SLAMF7: variants seen among roughly 807,000 people sequenced by gnomAD.
The protein encoded by SLAMF7 is SLAM family member 7.
SLAMF7 carries 26 observed loss-of-function variants against 34.1 expected under a neutral mutation model. The ratio of observed to expected loss-of-function variants is 0.76; its 90% confidence interval spans 0.56 to 1.06. SLAMF7 has a LOEUF of 1.06. Ranked by LOEUF, SLAMF7 falls within the 50% of genes least tolerant of loss-of-function variation. The pLI, the probability that SLAMF7 is intolerant of heterozygous loss-of-function variation, is 0.00. For missense variants in SLAMF7, 399 were observed against 402.5 expected (o/e 0.99, Z 0.07); for synonymous variants, 171 against 156.4 (o/e 1.09, Z -0.70).
chr1:160,742,836 G>A (rs577723676), intron 1 of SLAMF7, among the ~76,000 whole-genome samples: 1 of 152,306 alleles, frequency 6.6e-6, no homozygotes, highest in African/African-American at 2.4e-5. Flanking sequence ...GCAGGGCTTA[G>A]GCTGTATCTC....
chr1:160,741,290 G>A (rs1663723657), intron 1 of SLAMF7, among the ~76,000 whole-genome samples: 1 of 152,176 alleles, frequency 6.6e-6, no homozygotes, highest in Non-Finnish European at 1.5e-5. Flanking sequence ...AGTGGGTGAG[G>A]GGAATTGGGA....
At chr1:160,742,837 G>A (rs1325333139) in intron 1 of SLAMF7, among the ~76,000 whole-genome samples, 2 of 152,186 alleles carry the variant, frequency 1.3e-5, no homozygotes, top group Non-Finnish European at 2.9e-5. Context: ...CAGGGCTTAG[G>A]CTGTATCTCA....
intron 1 of SLAMF7, among the ~76,000 whole-genome samples, chr1:160,741,993 T>C (rs1663785053): frequency 6.6e-6 from 1 of 152,102 alleles, no homozygotes; most frequent in African/African-American, 2.4e-5. Context: ...AGGCACCAAG[T>C]GTTCAGAGAA....
At chr1:160,751,278 T>C (rs1386940587) in intron 4 of SLAMF7, 67 bp from the exon 5 acceptor site, 20 of 1,176,112 alleles carry the variant, frequency 1.7e-5, no homozygotes, top group Non-Finnish European at 2.6e-5. Flanking sequence ...CCAGGAGAAA[T>C]GGTGGGCCAG....
chr1:160,749,501 A>G (rs1664387456), intron 2 of SLAMF7, among the ~76,000 whole-genome samples: 1 of 152,230 alleles, frequency 6.6e-6, no homozygotes, highest in Admixed American at 6.5e-5. Flanking sequence ...TCTAGAACAG[A>G]TAATATTAGC....
At chr1:160,752,340 C>T (rs1664703178) in intron 6 of SLAMF7, 92 bp downstream of exon 6, 3 of 975,172 alleles carry the variant, frequency 3.1e-6, no homozygotes, top group Non-Finnish European at 4.8e-6. Context: ...CCAGGTATCT[C>T]ATACTCTCTA....
chr1:160,749,728 C>G, intron 2 of SLAMF7, 93 bp from the exon 3 acceptor site: 1 of 1,143,398 alleles, frequency 8.7e-7, no homozygotes, highest in Non-Finnish European at 1.2e-6. Context: ...CTGGAGCTCC[C>G]AGGGAGATTC....
chr1:160,750,272 C>A, intron 3 of SLAMF7, 32 bp from the exon 4 acceptor site: 2 of 1,609,348 alleles, frequency 1.2e-6, no homozygotes, highest in South Asian at 1.1e-5. Context: ...TGACTTTTCT[C>A]CCTTCCCTGT....
intron 1 of SLAMF7, among the ~76,000 whole-genome samples, chr1:160,744,572 C>T (rs1170902682): frequency 6.6e-6 from 1 of 152,194 alleles, no homozygotes; most frequent in Non-Finnish European, 1.5e-5. Flanking sequence ...CCTGAGAATA[C>T]AGCACTACGT....
chr1:160,750,572 C>A, intron 4 of SLAMF7, 149 bp downstream of exon 4: 1 of 912,948 alleles, frequency 1.1e-6, no homozygotes, highest in Non-Finnish European at 1.7e-6. Context: ...CCTCAAGAAG[C>A]ATACAGTCAG....
At chr1:160,749,034 A>C (rs1340850321) in intron 2 of SLAMF7, among the ~76,000 whole-genome samples, 4 of 152,196 alleles carry the variant, frequency 2.6e-5, no homozygotes, top group Non-Finnish European at 4.4e-5. Context: ...CAGGGAAGTT[A>C]AAATTATGAA....
chr1:160,750,246 G>T, intron 3 of SLAMF7, 58 bp from the exon 4 acceptor site: 1 of 1,598,058 alleles, frequency 6.3e-7, no homozygotes, highest in East Asian at 2.2e-5. Context: ...CCAAGACCTG[G>T]GTCGTTTTCC....
chr1:160,747,079 T>C (rs1664190581), intron 1 of SLAMF7, among the ~76,000 whole-genome samples: 1 of 152,334 alleles, frequency 6.6e-6, no homozygotes, highest in South Asian at 2.1e-4. Flanking sequence ...TTGTATTGAC[T>C]GTAGGGTCAC....
rs1664284933 is a variant in SLAMF7, at chr1:160,748,231, T to C, written c.93T>C (p.Gly31=). 1.2e-6 allele frequency: 2 copies of C among 1,614,068 alleles called. No homozygotes were observed. The highest frequency in any genetic ancestry group is 1.7e-5 in the Admixed American group (1 of 60,006). Residue 31 remains glycine, a synonymous_variant, in exon 2 of 7, where the codon GGT becomes GGC. Coordinates refer to ENST00000368043, the MANE Select transcript of SLAMF7 (RefSeq NM_021181.5). The part of the protein sequence containing the change: ...AASGPVKELV[G]SVGGAVTFPL... ...CTGGACCCGTGAAAGAGCTGGTCGGTTCCGTTGGTGGGGCCGTGACTTTCC... is the reference window on the plus strand; with the variant it reads ...CTGGACCCGTGAAAGAGCTGGTCGGCTCCGTTGGTGGGGCCGTGACTTTCC...
Position 160,751,375 on chromosome 1 carries a change from T to A in SLAMF7, c.800T>A (p.Ile267Asn). ...EYIEEKKRVDICRETPNICPH... is the reference protein window; with the variant it reads ...EYIEEKKRVDNCRETPNICPH... Reference sequence around the variant, plus strand: ...ATTGAAGAGAAGAAGAGAGTGGACATTTGTCGGGAAACTCCTAACATATGC... The same window carrying A: ...ATTGAAGAGAAGAAGAGAGTGGACAATTGTCGGGAAACTCCTAACATATGC... Residue 267 changes from isoleucine to asparagine, a missense_variant, in exon 5 of 7, where the codon ATT becomes AAT. Physicochemically the swap from Ile to Asn is moderately radical, Grantham distance 149. Transcript: ENST00000368043. 1 of 1,613,930 alleles carries A rather than the reference T, an allele frequency of 6.2e-7. No individual in the cohort carries two copies.
At chr1:160,752,070 A>C in intron 5 of SLAMF7, 116 bp from the exon 6 acceptor site, 1 of 776,346 alleles carries the variant, frequency 1.3e-6, no homozygotes, top group East Asian at 2.7e-5. Context: ...TTTTCCTCTC[A>C]CATCTCCTCC....
In SLAMF7 at chr1:160,753,436, A is replaced by AT. The variant is rs1332994057; in HGVS notation, c.*260dup. ...ATGGGATTGTGAATGTCAGCAAACC[A>AT]TAAAAAAAGTGCTTAGAAGTATTCC... On this transcript the variant is annotated 3_prime_UTR_variant, in exon 7 of 7. Coordinates refer to ENST00000368043, the MANE Select transcript of SLAMF7 (RefSeq NM_021181.5). 1 of 502,124 alleles carries AT rather than the reference A, an allele frequency of 2.0e-6. No homozygotes were observed. Among genetic ancestry groups the AT allele is most frequent in the Non-Finnish European group, 3.6e-6 (1 of 281,636 alleles). The allele number at this position is 502,124 out of a possible 1,614,324, so 31.1% of individuals were successfully genotyped here.
At chr1:160,742,926 T>C (rs1663857622) in intron 1 of SLAMF7, among the ~76,000 whole-genome samples, 1 of 152,322 alleles carries the variant, frequency 6.6e-6, no homozygotes, top group East Asian at 1.9e-4. Flanking sequence ...AGGTGTTTGC[T>C]GCTGGAGTTA....
chr1:160,744,567 GA>G (rs753772354), intron 1 of SLAMF7, among the ~76,000 whole-genome samples: 4 of 152,186 alleles, frequency 2.6e-5, no homozygotes, highest in African/African-American at 4.8e-5. Flanking sequence ...TTTACCCTGA[GA>G]ATACAGCACT....
Sources: allele counts gnomAD v4.1 joint callset (sites outside exome capture counted in the v4.1 genomes callset), GRCh38; gene constraint gnomAD v4.1.1; transcripts MANE v1.5; gene names NCBI Gene and HGNC (gene_info 2026-07-23, HGNC 2026-07-21).